The following AKT3 variants were observed in gnomAD, a reference collection of about 807,000 sequenced individuals.
The protein encoded by AKT3 is RAC-gamma serine/threonine-protein kinase.
Under a neutral mutation model 65.3 loss-of-function variants are expected in AKT3, and 15 were observed. That is an observed-to-expected ratio of 0.23 (90% CI 0.15 to 0.35). AKT3 has a LOEUF of 0.35. Ranked by LOEUF, AKT3 falls within the 10% of genes least tolerant of loss-of-function variation. The probability of loss-of-function intolerance (pLI) is 1.00; values close to 1 mark genes in which losing one functional copy is unlikely to be tolerated. For synonymous variants in AKT3, 206 were observed against 183.8 expected, an observed-to-expected ratio of 1.12 and a Z score of -0.98; for missense variants, 243 against 576.5, an observed-to-expected ratio of 0.42 and a Z score of 5.92.
intron 13 of AKT3, 50 bp from the exon 14 acceptor site, chr1:243,505,384 C>T (rs754658627): frequency 6.6e-7 from 1 of 1,507,172 alleles, no homozygotes; most frequent in Non-Finnish European, 9.2e-7. Flanking sequence ...TTTTTTGCAA[C>T]ATTATCTCTA....
chr1:243,775,772 C>T (rs1572329676), intron 2 of AKT3, among the ~76,000 whole-genome samples: 1 of 152,056 alleles, frequency 6.6e-6, no homozygotes, highest in South Asian at 2.1e-4. Flanking sequence ...ATGTTTAATA[C>T]AGAACTTTAC....
intron 5 of AKT3, among the ~76,000 whole-genome samples, chr1:243,644,711 T>C (rs898396073): frequency 6.6e-6 from 1 of 152,176 alleles, no homozygotes; most frequent in African/African-American, 2.4e-5. Flanking sequence ...CATAGAGGTA[T>C]TTTGAATTTG....
chr1:243,739,909 G>A (rs1244254288), intron 2 of AKT3, among the ~76,000 whole-genome samples: 1 of 152,176 alleles, frequency 6.6e-6, no homozygotes, highest in East Asian at 1.9e-4. Flanking sequence ...AGCCCTTTCT[G>A]TTACACAGCA....
At chr1:243,700,649 G>A (rs1685390255) in intron 2 of AKT3, among the ~76,000 whole-genome samples, 1 of 151,834 alleles carries the variant, frequency 6.6e-6, no homozygotes, top group Non-Finnish European at 1.5e-5. Context: ...GATTACAGGT[G>A]CGCACCACCA....
chr1:243,600,473 A>T (rs929056089), intron 8 of AKT3, among the ~76,000 whole-genome samples: 1 of 152,172 alleles, frequency 6.6e-6, no homozygotes, highest in African/African-American at 2.4e-5. Context: ...GATATAGACC[A>T]ATACAACAGA....
chr1:243,526,491 C>T (rs142744091), intron 12 of AKT3, among the ~76,000 whole-genome samples: 274 of 152,082 alleles, frequency 1.8e-3, no homozygotes, highest in Middle Eastern at 0.01. Flanking sequence ...GTCTATCCTC[C>T]AAATCTCCCA....
chr1:243,760,757 G>T (rs1301695823), intron 2 of AKT3, among the ~76,000 whole-genome samples: 1 of 151,974 alleles, frequency 6.6e-6, no homozygotes, highest in East Asian at 1.9e-4. Context: ...CAGTTTAATG[G>T]CCCTCATGTA....
At chr1:243,571,861 T>G (rs897931661) in intron 9 of AKT3, among the ~76,000 whole-genome samples, 1 of 152,224 alleles carries the variant, frequency 6.6e-6, no homozygotes, top group Non-Finnish European at 1.5e-5. Flanking sequence ...TGGTCATCTC[T>G]GATCTAGATG....
intron 8 of AKT3, among the ~76,000 whole-genome samples, chr1:243,595,629 T>C (rs1374498502): frequency 1.3e-5 from 2 of 152,172 alleles, no homozygotes; most frequent in Non-Finnish European, 2.9e-5. Flanking sequence ...CTTTAACTTT[T>C]GGTTAAAAAT....
rs909680563 is a variant in AKT3 at position 243,500,423 on chromosome 1, C to T, written c.*4826G>A. 5 of 225,192 alleles carry T rather than the reference C, an allele frequency of 2.2e-5. No homozygotes were observed. The highest frequency in any genetic ancestry group is 4.5e-5 in the African/African-American group (2 of 44,724). The allele number at this position is 225,192 out of a possible 1,614,324, so 13.9% of individuals were successfully genotyped here. A position where few individuals can be genotyped will look rare whatever the true frequency, so the allele number is the denominator to read the frequency against. ...TGGTGTCAGATTTTTTTCTTCAATA[C>T]GCAGTATTTGAGAGGAGCCTAAAAA... On this transcript the variant is annotated 3_prime_UTR_variant, in exon 14 of 14. Transcript: ENST00000673466.
At chr1:243,645,830 G>C in intron 5 of AKT3, 63 bp downstream of exon 5, 6 of 1,434,476 alleles carry the variant, frequency 4.2e-6, no homozygotes, top group Non-Finnish European at 5.6e-6. Context: ...GCAAATGGTA[G>C]CTTTTAATAT....
intron 2 of AKT3, among the ~76,000 whole-genome samples, chr1:243,781,510 T>C (rs1690914932): frequency 6.6e-6 from 1 of 152,214 alleles, no homozygotes; most frequent in Non-Finnish European, 1.5e-5. Flanking sequence ...TAATGATTTA[T>C]AGAAACACAT....
intron 2 of AKT3, among the ~76,000 whole-genome samples, chr1:243,838,206 A>C (rs1342221586): frequency 6.6e-6 from 1 of 152,178 alleles, no homozygotes; most frequent in Non-Finnish European, 1.5e-5. Flanking sequence ...AACTCTAAGA[A>C]AAGCTAATTT....
At chr1:243,629,963 G>GA (rs1679482358) in intron 6 of AKT3, among the ~76,000 whole-genome samples, 1 of 151,986 alleles carries the variant, frequency 6.6e-6, no homozygotes, top group Admixed American at 6.6e-5. Context: ...ATATTCCCCA[G>GA]AAAAAAGTCC....
intron 12 of AKT3, 96 bp from the exon 13 acceptor site, chr1:243,512,522 GAACAA>G: frequency 1.3e-6 from 1 of 753,858 alleles, no homozygotes; most frequent in Non-Finnish European, 2.1e-6. Context: ...TAAATGAACA[GAACAA>G]AAGTCTACAA....
intron 3 of AKT3, among the ~76,000 whole-genome samples, chr1:243,686,585 C>T (rs1483905178): frequency 3.3e-5 from 4 of 121,966 alleles, no homozygotes; most frequent in Non-Finnish European, 4.8e-5. Flanking sequence ...TTCTATCTTA[C>T]GTTAATACTA....
At chr1:243,552,995 C>A in intron 10 of AKT3, 52 bp from the exon 11 acceptor site, 1 of 1,359,638 alleles carries the variant, frequency 7.4e-7, no homozygotes, top group Non-Finnish European at 1.0e-6. Context: ...ACTTTTAAAG[C>A]ATTATTCATA....
chr1:243,749,642 T>C (rs553998482), intron 2 of AKT3, among the ~76,000 whole-genome samples: 3 of 152,350 alleles, frequency 2.0e-5, no homozygotes, highest in South Asian at 2.1e-4. Flanking sequence ...TGGATCTTTC[T>C]GAATTTCCCT....
intron 8 of AKT3, among the ~76,000 whole-genome samples, chr1:243,583,197 C>T (rs12027563): frequency 0.15 from 15,763 of 105,790 alleles, 1,004 homozygotes; most frequent in East Asian, 0.26. Flanking sequence ...TATATATATA[C>T]ACACACACAC....
Sources: gnomAD v4.1 joint callset for allele counts (sites outside exome capture counted in the v4.1 genomes callset) on GRCh38, gnomAD v4.1.1 for gene constraint, MANE v1.5 for transcripts, NCBI Gene and HGNC (gene_info 2026-07-23, HGNC 2026-07-21) for gene names.